Variants in OTOG observed in about 807,000 individuals in gnomAD.
The protein encoded by OTOG is otogelin.
Under a neutral mutation model 313.8 loss-of-function variants are expected in OTOG, and 296 were observed. That is an observed-to-expected ratio of 0.94 (90% CI 0.86 to 1.04). The LOEUF is 1.04. Among genes scored for constraint, OTOG ranks in the 50% least tolerant of loss-of-function variants. The pLI, the probability that OTOG is intolerant of heterozygous loss-of-function variation, is 0.00. For missense variants in OTOG, 3,948 were observed against 3,840.1 expected (o/e 1.03, Z -0.74); for synonymous variants, 1,533 against 1,554.9 (o/e 0.99, Z 0.33).
At chr11:17,552,923 G>C in intron 4 of OTOG, among the ~76,000 whole-genome samples, 196 bp from the exon 5 acceptor site, 1 of 152,216 alleles carries the variant, frequency 6.6e-6, no homozygotes, top group East Asian at 1.9e-4. Flanking sequence ...GATGCCCTGC[G>C]ACCCCACCCC....
intron 3 of OTOG, among the ~76,000 whole-genome samples, chr11:17,549,950 G>A (rs1038680184): frequency 3.9e-5 from 6 of 152,154 alleles, no homozygotes; most frequent in African/African-American, 1.2e-4. Context: ...AGACCAGTAG[G>A]CAACCAATCT....
intron 39 of OTOG, among the ~76,000 whole-genome samples, chr11:17,626,847 A>G (rs1853996764): frequency 6.6e-6 from 1 of 152,096 alleles, no homozygotes; most frequent in African/African-American, 2.4e-5. Flanking sequence ...TGGTTAAGTT[A>G]ATTCTTAGAT....
Position 17,645,718 on chromosome 11 carries a change from C to T in OTOG, c.8542-26C>T, listed in dbSNP as rs527243219. On this transcript the variant is annotated intron_variant, in intron 55 of 55. Transcript: ENST00000399397. Reference sequence around the variant, plus strand: ...GGTTTGGGGGTGTGAGCACCACAGACTGCCTCACTGGCCTGCCCGTTCCAG... The same window carrying T: ...GGTTTGGGGGTGTGAGCACCACAGATTGCCTCACTGGCCTGCCCGTTCCAG... 2.4e-4 allele frequency: 372 copies of T among 1,550,804 alleles called. 1 individual carries two copies. The African/African-American group carries it at 4.5e-3, about 19-fold the overall frequency.
intron 39 of OTOG, among the ~76,000 whole-genome samples, chr11:17,617,327 A>T (rs754712198): frequency 1.3e-5 from 2 of 152,172 alleles, no homozygotes; most frequent in Non-Finnish European, 2.9e-5. Context: ...TCACATAATG[A>T]GTTGGAAAGT....
intron 17 of OTOG, among the ~76,000 whole-genome samples, chr11:17,571,758 C>T (rs1452998166): frequency 2.7e-5 from 4 of 150,108 alleles, no homozygotes; most frequent in African/African-American, 7.3e-5. Flanking sequence ...TGTGTGTCTG[C>T]GTGTGTGTGT....
chr11:17,565,501 C>A (rs1257298504), intron 15 of OTOG, among the ~76,000 whole-genome samples: 2 of 152,166 alleles, frequency 1.3e-5, no homozygotes, highest in African/African-American at 4.8e-5. Context: ...CTTTTTCCCC[C>A]TTTCCATACT....
intron 24 of OTOG, among the ~76,000 whole-genome samples, chr11:17,588,847 T>C (rs1852866775): frequency 6.6e-6 from 1 of 152,070 alleles, no homozygotes; most frequent in Non-Finnish European, 1.5e-5. Flanking sequence ...CATATCCCAA[T>C]GCGTCTCACC....
rs772648046 is a variant in OTOG at position 17,610,749 on chromosome 11, G to T, written c.5449G>T (p.Ala1817Ser). ...SLPLAKVGTS[A>S]PVATPGPKAS... ...GCCCCTGGCCAAGGTGGGCACATCT[G>T]CCCCAGTGGCCACACCCGGCCCCAA... Residue 1817 changes from alanine to serine, a missense_variant, in exon 36 of 56, where the codon GCC becomes TCC. By Grantham distance (99) the Ala-to-Ser change is moderately conservative (BLOSUM62 1). Coordinates refer to ENST00000399397, the MANE Select transcript of OTOG (RefSeq NM_001292063.2). The T allele has an allele frequency of 6.5e-7, 1 of 1,549,842 alleles. No individual in the cohort carries two copies. Among genetic ancestry groups the T allele is most frequent in the South Asian group, 1.2e-5 (1 of 84,060 alleles).
intron 39 of OTOG, among the ~76,000 whole-genome samples, chr11:17,619,621 AAAT>A (rs1393360765): frequency 6.6e-6 from 1 of 152,176 alleles, no homozygotes; most frequent in African/African-American, 2.4e-5. Flanking sequence ...GACTAGCTAC[AAAT>A]AATATTATAT....
intron 36 of OTOG, among the ~76,000 whole-genome samples, chr11:17,611,691 G>A (rs1853553229): frequency 6.6e-6 from 1 of 152,156 alleles, no homozygotes; most frequent in South Asian, 2.1e-4. Flanking sequence ...TGAGACTGCT[G>A]TGTGTGTTTG....
At chr11:17,639,542 T>C in intron 49 of OTOG, 79 bp downstream of exon 49, 1 of 1,449,320 alleles carries the variant, frequency 6.9e-7, no homozygotes, top group Non-Finnish European at 9.5e-7. Context: ...CTAGAGAATC[T>C]GCTCCTTTAA....
intron 33 of OTOG, among the ~76,000 whole-genome samples, chr11:17,607,798 G>T (rs574953725): frequency 1.1e-4 from 17 of 152,186 alleles, no homozygotes; most frequent in Non-Finnish European, 2.1e-4. Flanking sequence ...ATCCCCCAGT[G>T]CCTCCCCTCA....
chr11:17,612,971 C>T (rs906824669), intron 38 of OTOG, among the ~76,000 whole-genome samples: 1 of 152,182 alleles, frequency 6.6e-6, no homozygotes, highest in African/African-American at 2.4e-5. Context: ...TGTGCCACCT[C>T]CTGGCCCCAG....
chr11:17,580,117 T>G (rs1430007319), intron 23 of OTOG, among the ~76,000 whole-genome samples: 2 of 152,232 alleles, frequency 1.3e-5, no homozygotes, highest in Admixed American at 1.3e-4. Flanking sequence ...TCCGACTGTC[T>G]GGCCACCATG....
At chr11:17,592,833 C>T (rs969750419) in intron 25 of OTOG, among the ~76,000 whole-genome samples, 3 of 152,198 alleles carry the variant, frequency 2.0e-5, no homozygotes, top group Non-Finnish European at 4.4e-5. Context: ...AAGCTACATA[C>T]ATTTAAAATA....
Position 17,558,661 on chromosome 11 carries a change from T to C in OTOG, c.1103+17T>C. On this transcript the variant is annotated intron_variant, in intron 10 of 55. Coordinates refer to ENST00000399397, the MANE Select transcript of OTOG (RefSeq NM_001292063.2). ...TCTCTGCCAGTGAGTAGGGGTGGTG[T>C]GGGCTATGGGGAACCCTCTAGTATT... 1.3e-6 allele frequency: 2 copies of C among 1,546,190 alleles called. No individual in the cohort carries two copies. Among genetic ancestry groups the C allele is most frequent in the South Asian group, 2.4e-5 (2 of 84,050 alleles).
At chr11:17,579,456 A>C (rs1852615692) in intron 23 of OTOG, among the ~76,000 whole-genome samples, 2 of 152,060 alleles carry the variant, frequency 1.3e-5, no homozygotes, top group African/African-American at 4.8e-5. Flanking sequence ...GGGTGGAGGG[A>C]AGTGGTGCCC....
chr11:17,553,162 C>G lies in OTOG; in HGVS notation c.336C>G (p.Ala112=), dbSNP rs999778950. 6.4e-7 allele frequency: 1 copy of G among 1,550,560 alleles called. No individual in the cohort carries two copies. The highest frequency in any genetic ancestry group is 8.7e-7 in the Non-Finnish European group (1 of 1,146,980). ...ATGGAGGCGAGTGTGTGCACCCAGC[C>G]TTCTGTGACTGCAGACGCTTCAATG... is the stretch of plus-strand genomic sequence containing the variant. ...CFNGGECVHP[A]FCDCRRFNAT... The change falls in exon 5 of 56, where the codon GCC becomes GCG. Residue 112 remains alanine (A), a synonymous_variant. Coordinates refer to ENST00000399397, the MANE Select transcript of OTOG (RefSeq NM_001292063.2).
chr11:17,563,733 T>C (rs889537007), intron 15 of OTOG, among the ~76,000 whole-genome samples: 2 of 151,782 alleles, frequency 1.3e-5, no homozygotes, highest in African/African-American at 2.4e-5. Context: ...CAGGCTGGAG[T>C]GCAGTGGCGC....
Sources: gnomAD v4.1 joint callset for allele counts (sites outside exome capture counted in the v4.1 genomes callset) on GRCh38, gnomAD v4.1.1 for gene constraint, MANE v1.5 for transcripts, NCBI Gene and HGNC (gene_info 2026-07-23, HGNC 2026-07-21) for gene names.